The following RCOR1 variants were observed in gnomAD, a reference collection of about 807,000 sequenced individuals.
RCOR1 encodes REST corepressor.
RCOR1 carries 12 observed loss-of-function variants against 64.0 expected under a neutral mutation model. The ratio of observed to expected loss-of-function variants is 0.19; its 90% CI spans 0.12 to 0.30. The LOEUF (loss-of-function observed/expected upper bound fraction) is 0.30. Among genes scored for constraint, RCOR1 ranks in the 10% least tolerant of loss-of-function variants. RCOR1 has a pLI of 1.00. For synonymous variants in RCOR1, 279 were observed against 227.2 expected (o/e 1.23, Z -2.05); for missense variants, 502 against 621.2 (o/e 0.81, Z 2.04).
intron 2 of RCOR1, among the ~76,000 whole-genome samples, chr14:102,639,018 ATTT>A (rs1302500039): frequency 6.6e-6 from 1 of 152,094 alleles, no homozygotes; most frequent in African/African-American, 2.4e-5. Context: ...TTTTTTCCTA[ATTT>A]GTACAGCTAC....
chr14:102,706,702 C>T (rs1170552219), intron 4 of RCOR1, among the ~76,000 whole-genome samples: 1 of 151,996 alleles, frequency 6.6e-6, no homozygotes, highest in Non-Finnish European at 1.5e-5. Context: ...TGGCATGTGC[C>T]TGTATCCCAG....
intron 2 of RCOR1, among the ~76,000 whole-genome samples, chr14:102,622,558 G>A (rs1420416765): frequency 2.0e-5 from 3 of 151,906 alleles, no homozygotes; most frequent in Non-Finnish European, 2.9e-5. Context: ...GATCTTCTTG[G>A]AACTTTTCCC....
intron 2 of RCOR1, among the ~76,000 whole-genome samples, chr14:102,649,534 A>T (rs1894542696): frequency 6.6e-6 from 1 of 152,210 alleles, no homozygotes. Flanking sequence ...GGGCAAGACT[A>T]GGATTAGGAA....
intron 2 of RCOR1, among the ~76,000 whole-genome samples, chr14:102,675,604 A>G (rs1320963227): frequency 1.3e-5 from 2 of 152,190 alleles, no homozygotes; most frequent in African/African-American, 4.8e-5. Context: ...TGGATGATTC[A>G]GGTACTATTC....
At chr14:102,641,289 A>T (rs1894362833) in intron 2 of RCOR1, among the ~76,000 whole-genome samples, 1 of 151,664 alleles carries the variant, frequency 6.6e-6, no homozygotes, top group African/African-American at 2.4e-5. Flanking sequence ...TTATGTAAGC[A>T]GTTATTCAAT....
chr14:102,618,059 C>T (rs907059424), intron 2 of RCOR1, among the ~76,000 whole-genome samples: 6 of 150,566 alleles, frequency 4.0e-5, no homozygotes, highest in East Asian at 3.9e-4. Context: ...CTGCAACCTC[C>T]GCTTCCTGGG....
intron 3 of RCOR1, among the ~76,000 whole-genome samples, chr14:102,684,065 G>A (rs552453272): frequency 1.3e-5 from 2 of 152,328 alleles, no homozygotes; most frequent in East Asian, 3.9e-4. Context: ...CACAGCCATC[G>A]CAGGACCCGG....
intron 2 of RCOR1, among the ~76,000 whole-genome samples, chr14:102,597,806 G>T (rs1413378931): frequency 2.7e-5 from 4 of 148,044 alleles, no homozygotes. Flanking sequence ...GCTAATTTTG[G>T]TATTTTTGCA....
intron 2 of RCOR1, among the ~76,000 whole-genome samples, chr14:102,607,572 A>G: frequency 6.6e-6 from 1 of 151,584 alleles, no homozygotes. Flanking sequence ...TATGGTGAAA[A>G]CCTGTCTCTA....
chr14:102,700,048 C>A (rs75687764), intron 3 of RCOR1, among the ~76,000 whole-genome samples: 2 of 152,150 alleles, frequency 1.3e-5, no homozygotes, highest in Non-Finnish European at 2.9e-5. Flanking sequence ...GTCACGTAAT[C>A]TATCTCTTAA....
chr14:102,634,660 A>G (rs1894197893), intron 2 of RCOR1, among the ~76,000 whole-genome samples: 1 of 150,378 alleles, frequency 6.6e-6, no homozygotes, highest in African/African-American at 2.5e-5. Context: ...ATGTATATAT[A>G]TATACACACA....
rs1008864969 is a variant in RCOR1 at position 102,714,448 on chromosome 14, A to G, written c.884A>G (p.Gln295Arg). 1 of 1,610,746 alleles carries G rather than the reference A, an allele frequency of 6.2e-7. No individual in the cohort carries two copies. The highest frequency in any genetic ancestry group is 8.5e-7 in the Non-Finnish European group (1 of 1,178,128). Reference protein sequence around the residue: ...KEVPPTETVPQVKKEKHSTQA... With the variant: ...KEVPPTETVPRVKKEKHSTQA... ...GTTCCCCCTACTGAGACAGTTCCTC[A>G]GGTCAAAAAAGAAAAACATAGCACA... The change falls in exon 8 of 12, where the codon CAG (glutamine) becomes CGG (arginine). Residue 295 changes from glutamine (Q) to arginine (R), a missense_variant. This residue lies in a region of RCOR1 where 260 missense variants were observed against 416.4 expected (regional missense o/e 0.62). Transcript: ENST00000262241.
At chr14:102,686,800 A>G (rs1895430847) in intron 3 of RCOR1, among the ~76,000 whole-genome samples, 1 of 152,202 alleles carries the variant, frequency 6.6e-6, no homozygotes, top group Non-Finnish European at 1.5e-5. Flanking sequence ...TTGTCTAGCT[A>G]TGCCACAGTT....
chr14:102,668,011 C>T (rs1894950336), intron 2 of RCOR1, among the ~76,000 whole-genome samples: 1 of 151,984 alleles, frequency 6.6e-6, no homozygotes, highest in Non-Finnish European at 1.5e-5. Flanking sequence ...GAGAAATTTG[C>T]AGTGTTAGAT....
At chr14:102,657,332 C>T (rs1894747769) in intron 2 of RCOR1, 9 of 985,312 alleles carry the variant, frequency 9.1e-6, no homozygotes, top group Middle Eastern at 1.0e-3. Context: ...TAATGGCATA[C>T]TGGTTCATTT....
rs181805260 is a variant in RCOR1 at position 102,642,636 on chromosome 14, G to C, written c.362-39259G>C. On this transcript the variant is annotated intron_variant, in intron 2 of 11. Coordinates refer to ENST00000262241, the MANE Select transcript of RCOR1 (RefSeq NM_015156.4). ...GGATCGCTTGAGCCCAGAAATTCCA[G>C]ACCAGCCTGGGCAACAAAGTGAGAC... is the stretch of plus-strand genomic sequence containing the variant. 1.9e-3 allele frequency among the ~76,000 whole-genome samples: 290 copies of C among 152,194 alleles called. 1 individual carries two copies. The highest frequency in any genetic ancestry group is 3.4e-3 in the Middle Eastern group (1 of 294).
At chr14:102,597,035 G>A (rs1893266775) in intron 2 of RCOR1, among the ~76,000 whole-genome samples, 1 of 150,470 alleles carries the variant, frequency 6.6e-6, no homozygotes, top group African/African-American at 2.5e-5. Flanking sequence ...ACCATGCCTG[G>A]CTAATTTTTG....
At chr14:102,630,545 G>A (rs1037895422) in intron 2 of RCOR1, among the ~76,000 whole-genome samples, 1 of 152,152 alleles carries the variant, frequency 6.6e-6, no homozygotes, top group African/African-American at 2.4e-5. Flanking sequence ...TCCTATCAGG[G>A]ATCAGTGCAG....
intron 3 of RCOR1, among the ~76,000 whole-genome samples, chr14:102,687,459 G>A (rs1480707548): frequency 6.6e-6 from 1 of 152,130 alleles, no homozygotes; most frequent in African/African-American, 2.4e-5. Context: ...TTTGGGCTGT[G>A]TCTAAGTAAA....
Sources: gnomAD v4.1 joint callset for allele counts (sites outside exome capture counted in the v4.1 genomes callset) on GRCh38, gnomAD v4.1.1 for gene constraint, gnomAD v4.1.1 regional missense constraint, MANE v1.5 for transcripts, NCBI Gene and HGNC (gene_info 2026-07-23, HGNC 2026-07-21) for gene names.